CSGALNACT1: variants seen among roughly 807,000 people sequenced by gnomAD.
CSGALNACT1 encodes chondroitin sulfate N-acetylgalactosaminyltransferase 1.
Under a neutral mutation model 51.0 loss-of-function variants are expected in CSGALNACT1, and 52 were observed. The ratio of observed to expected loss-of-function variants is 1.02; its 90% CI spans 0.82 to 1.29. The LOEUF (loss-of-function observed/expected upper bound fraction) is 1.29, where lower values mean the gene tolerates loss of function less well. CSGALNACT1 is among the 50% of genes most tolerant of loss of function. The pLI is 0.00. For missense variants in CSGALNACT1, 935 were observed against 679.2 expected (o/e 1.38, Z -4.19); for synonymous variants, 341 against 254.4 (o/e 1.34, Z -3.24).
At chr8:19,513,283 G>A (rs1331114080) in intron 3 of CSGALNACT1, among the ~76,000 whole-genome samples, 4 of 151,774 alleles carry the variant, frequency 2.6e-5, no homozygotes, top group Admixed American at 1.3e-4. Context: ...GGACAGCAAA[G>A]GTCTTAAGAT....
chr8:19,589,209 C>G (rs1357831776), intron 3 of CSGALNACT1, among the ~76,000 whole-genome samples: 1 of 152,134 alleles, frequency 6.6e-6, no homozygotes. Context: ...AGGAGAAAAC[C>G]ATCTGCCAAC....
At chr8:19,449,845 A>G (rs1026414367) in intron 5 of CSGALNACT1, among the ~76,000 whole-genome samples, 20 of 151,920 alleles carry the variant, frequency 1.3e-4, no homozygotes, top group Admixed American at 1.2e-3. Flanking sequence ...AATATTTTCC[A>G]TAAAAATTCT....
chr8:19,444,387 G>A (rs1427376083), intron 5 of CSGALNACT1, among the ~76,000 whole-genome samples: 1 of 152,192 alleles, frequency 6.6e-6, no homozygotes, highest in South Asian at 2.1e-4. Context: ...TCCAGTCCTT[G>A]ATTGCTTGAA....
At chr8:19,571,286 G>A (rs947774212) in intron 3 of CSGALNACT1, among the ~76,000 whole-genome samples, 28 of 152,038 alleles carry the variant, frequency 1.8e-4, no homozygotes, top group African/African-American at 6.8e-4. Flanking sequence ...ATATAACTAA[G>A]ACACTCATCT....
At chr8:19,657,489 A>G (rs1200712368) in intron 1 of CSGALNACT1, among the ~76,000 whole-genome samples, 1 of 152,224 alleles carries the variant, frequency 6.6e-6, no homozygotes, top group East Asian at 1.9e-4. Context: ...CTAATATATC[A>G]TAGACACCAC....
chr8:19,733,613 A>G (rs2063804501), intron 1 of CSGALNACT1, among the ~76,000 whole-genome samples: 1 of 152,070 alleles, frequency 6.6e-6, no homozygotes, highest in Non-Finnish European at 1.5e-5. Flanking sequence ...GGCAATGCAC[A>G]ATGCACTCTG....
intron 5 of CSGALNACT1, among the ~76,000 whole-genome samples, chr8:19,448,236 A>G (rs1400317975): frequency 1.3e-5 from 2 of 152,202 alleles, no homozygotes; most frequent in Non-Finnish European, 2.9e-5. Context: ...AACTCATATT[A>G]TGTGGTCTAG....
intron 3 of CSGALNACT1, among the ~76,000 whole-genome samples, chr8:19,544,980 C>T (rs563395004): frequency 4.1e-4 from 63 of 151,826 alleles, no homozygotes; most frequent in Middle Eastern, 3.4e-3. Context: ...AGGGGAGAAG[C>T]CAGTCAGTCC....
At chr8:19,518,385 T>TA (rs1363848835) in intron 3 of CSGALNACT1, among the ~76,000 whole-genome samples, 1 of 152,134 alleles carries the variant, frequency 6.6e-6, no homozygotes, top group African/African-American at 2.4e-5. Context: ...CAGCAACCTG[T>TA]ACTGTAAGGA....
intron 2 of CSGALNACT1, 145 bp downstream of exon 2, chr8:19,601,626 G>A (rs1382434114): frequency 3.4e-5 from 10 of 294,058 alleles, no homozygotes; most frequent in South Asian, 3.2e-4. Flanking sequence ...TTTGGAAGAA[G>A]TATCATTCTC....
At position 19,666,819 on chromosome 8, in the gene CSGALNACT1, GAGAGAGAGAGAGAGAA is replaced by G. The variant is rs1564383361; in HGVS notation, c.-544+15638_-544+15653del. 3.1e-4 allele frequency among the ~76,000 whole-genome samples: 17 copies of G among 54,380 alleles called. 2 individuals are homozygous for G. The highest frequency in any genetic ancestry group is 5.6e-4 in the Non-Finnish European group (16 of 28,340). 35.7% of individuals were successfully genotyped at this position (54,380 alleles called of 152,430 possible). ...AGAAAGAAAGAAAGAAAGAGAGAGA[GAGAGAGAGAGAGAGAA>G]AGAAAGAAAGAAAGAAAGAAAGAAA... On this transcript the variant is annotated intron_variant, in intron 1 of 9. Transcript: ENST00000332246.
chr8:19,665,827 C>A (rs144638985), intron 1 of CSGALNACT1, among the ~76,000 whole-genome samples: 23 of 152,334 alleles, frequency 1.5e-4, no homozygotes, highest in African/African-American at 5.1e-4. Context: ...TTCTTCGCTA[C>A]GTAAACAGAA....
At chr8:19,540,414 G>A (rs1267079061) in intron 3 of CSGALNACT1, among the ~76,000 whole-genome samples, 2 of 152,096 alleles carry the variant, frequency 1.3e-5, no homozygotes, top group Admixed American at 6.5e-5. Context: ...GTACCCCATC[G>A]GCTCACTGTG....
chr8:19,437,448 G>C (rs896287385), intron 6 of CSGALNACT1, among the ~76,000 whole-genome samples: 4 of 152,032 alleles, frequency 2.6e-5, no homozygotes, highest in African/African-American at 4.8e-5. Context: ...GTGTGGTATG[G>C]TACTGTGAAG....
intron 2 of CSGALNACT1, among the ~76,000 whole-genome samples, chr8:19,595,736 T>C (rs546958528): frequency 7.2e-5 from 11 of 152,310 alleles, no homozygotes; most frequent in African/African-American, 2.6e-4. Context: ...AACTGTTTGT[T>C]TCCAGAGGTT....
chr8:19,628,646 C>G (rs889932861), intron 1 of CSGALNACT1, among the ~76,000 whole-genome samples: 3 of 151,610 alleles, frequency 2.0e-5, no homozygotes, highest in Admixed American at 6.6e-5. Flanking sequence ...CAGTCTTAAT[C>G]AATAGGCTTT....
At chr8:19,475,111 G>A (rs2069202879) in intron 4 of CSGALNACT1, among the ~76,000 whole-genome samples, 3 of 152,140 alleles carry the variant, frequency 2.0e-5, no homozygotes, top group Admixed American at 2.0e-4. Flanking sequence ...TCTAAGTTAA[G>A]AAGGAGGAGC....
At chr8:19,547,421 TGGGAGATAACTGAATC>T (rs1457942065) in intron 3 of CSGALNACT1, among the ~76,000 whole-genome samples, 2 of 132,938 alleles carry the variant, frequency 1.5e-5, no homozygotes, top group Non-Finnish European at 3.2e-5. Context: ...AGAGACCCAG[TGGGAGATAACTGAATC>T]ATGGGGGTGG....
At chr8:19,677,476 A>G (rs1564408103) in intron 1 of CSGALNACT1, among the ~76,000 whole-genome samples, 1 of 152,142 alleles carries the variant, frequency 6.6e-6, no homozygotes, top group Admixed American at 6.5e-5. Context: ...TAGAGAAGAA[A>G]AACTAATGGT....
Sources: gnomAD v4.1 joint callset for allele counts (sites outside exome capture counted in the v4.1 genomes callset) on GRCh38, gnomAD v4.1.1 for gene constraint, MANE v1.5 for transcripts, NCBI Gene and HGNC (gene_info 2026-07-23, HGNC 2026-07-21) for gene names.